Variants in ACSS2 observed in about 807,000 individuals in gnomAD.
ACSS2 encodes acetyl-coenzyme A synthetase, cytoplasmic.
ACSS2 carries 58 observed loss-of-function variants against 90.6 expected under a neutral mutation model. The ratio of observed to expected loss-of-function variants is 0.64; its 90% CI spans 0.52 to 0.80. The LOEUF (loss-of-function observed/expected upper bound fraction) is 0.80, where lower values mean the gene tolerates loss of function less well. ACSS2 is among the 30% of genes least tolerant of loss of function. The pLI is 0.00. For synonymous variants in ACSS2, 300 were observed against 330.9 expected, an observed-to-expected ratio of 0.91 and a Z score of 1.01; for missense variants, 759 against 912.0, an observed-to-expected ratio of 0.83 and a Z score of 2.16.
chr20:34,916,465 G>C (rs1284097171), intron 7 of ACSS2, among the ~76,000 whole-genome samples: 4 of 152,128 alleles, frequency 2.6e-5, no homozygotes, highest in Non-Finnish European at 5.9e-5. Context: ...TAATGCAACA[G>C]ACAGATTGGC....
chr20:34,888,022 A>T (rs1048771936), intron 2 of ACSS2, among the ~76,000 whole-genome samples: 1 of 148,096 alleles, frequency 6.8e-6, no homozygotes, highest in African/African-American at 2.5e-5. Flanking sequence ...GTGAGCCGAG[A>T]TCAAGCCAAT....
intron 2 of ACSS2, among the ~76,000 whole-genome samples, chr20:34,892,109 A>G (rs1357097421): frequency 6.6e-6 from 1 of 152,248 alleles, no homozygotes; most frequent in Non-Finnish European, 1.5e-5. Context: ...ACTGACCTTC[A>G]GAATTTCTGT....
upstream of ACSS2, chr20:34,875,027 G>T (rs552482747): frequency 1.9e-6 from 1 of 533,892 alleles, no homozygotes; most frequent in Non-Finnish European, 3.8e-6. Flanking sequence ...GGAGCTGCCC[G>T]CTTCAGGCCT....
intron 2 of ACSS2, among the ~76,000 whole-genome samples, chr20:34,898,278 A>G (rs1282688309): frequency 1.3e-5 from 2 of 152,128 alleles, no homozygotes; most frequent in Admixed American, 1.3e-4. Flanking sequence ...ATCTGGCCCC[A>G]CCCACATCCT....
chr20:34,898,801 G>A (rs1319176148), intron 2 of ACSS2, among the ~76,000 whole-genome samples: 3 of 152,098 alleles, frequency 2.0e-5, no homozygotes, highest in African/African-American at 7.2e-5. Flanking sequence ...CCGTGTGCCT[G>A]CACTCCTCAG....
At chr20:34,877,845 A>T (rs1361511951) in intron 1 of ACSS2, among the ~76,000 whole-genome samples, 1 of 151,122 alleles carries the variant, frequency 6.6e-6, no homozygotes, top group Non-Finnish European at 1.5e-5. Context: ...AAAAAAAAAA[A>T]AAAAGGTATA....
chr20:34,909,071 C>A, intron 2 of ACSS2: 1 of 353,940 alleles, frequency 2.8e-6, no homozygotes, highest in African/African-American at 2.2e-5. Context: ...TTAAGCTTGG[C>A]ACCGTGGCTC....
intron 1 of ACSS2, among the ~76,000 whole-genome samples, chr20:34,881,066 G>C (rs1601280000): frequency 9.9e-6 from 1 of 101,492 alleles, no homozygotes; most frequent in African/African-American, 4.1e-5. Context: ...TTGTTCTGTT[G>C]CCTAGGCTGG....
chr20:34,925,733 A>C lies in ACSS2; in HGVS notation c.1693A>C (p.Thr565Pro). 6.2e-7 allele frequency: 1 copy of C among 1,613,676 alleles called. No individual in the cohort carries two copies. Among genetic ancestry groups the C allele is most frequent in the Non-Finnish European group, 8.5e-7 (1 of 1,179,858 alleles). ...QRDQDGYYWI[T>P]GRIDDMLNVS... ...GGACCAGGATGGCTATTACTGGATC[A>C]CTGGCAGGATTGATGACATGCTCAA... Residue 565 changes from threonine (T) to proline (P), a missense_variant, in exon 15 of 18, where the codon ACT becomes CCT. By Grantham distance (38) the Thr-to-Pro change is conservative. Transcript: ENST00000360596.
chr20:34,883,911 G>C (rs949641688), intron 2 of ACSS2, among the ~76,000 whole-genome samples: 6 of 152,130 alleles, frequency 3.9e-5, no homozygotes, highest in African/African-American at 1.4e-4. Flanking sequence ...TGAGCACTCA[G>C]AGTTGATCTA....
At chr20:34,886,160 A>C (rs1052461575) in intron 2 of ACSS2, among the ~76,000 whole-genome samples, 5 of 152,116 alleles carry the variant, frequency 3.3e-5, no homozygotes, top group Non-Finnish European at 7.3e-5. Context: ...TCTTACTACG[A>C]TAGATAAGAA....
At chr20:34,925,808 C>T (rs902516470) in intron 15 of ACSS2, 42 bp downstream of exon 15, 3 of 1,593,330 alleles carry the variant, frequency 1.9e-6, no homozygotes, top group Non-Finnish European at 2.6e-6. Context: ...TAACTCTGCT[C>T]CTCTGACAAC....
chr20:34,896,065 A>G (rs940382671), intron 2 of ACSS2, among the ~76,000 whole-genome samples: 3 of 152,134 alleles, frequency 2.0e-5, no homozygotes, highest in African/African-American at 4.8e-5. Context: ...CACTTGTTAT[A>G]GGTAAGGCCA....
Position 34,876,744 on chromosome 20 carries a change from C to G in ACSS2, c.99C>G (p.Pro33=). 2 of 1,435,016 alleles carry G rather than the reference C, an allele frequency of 1.4e-6. No homozygotes were observed. Among genetic ancestry groups the G allele is most frequent in the South Asian group, 1.4e-5 (1 of 71,518 alleles). 88.9% of individuals were successfully genotyped at this position (1,435,016 alleles called of 1,614,324 possible). ...GGGCGCGGAGTTGGTCTCCGCCGCCCGAGGTCAGCCGCTCCGCGCACGTCC... is the reference window on the plus strand; with the variant it reads ...GGGCGCGGAGTTGGTCTCCGCCGCCGGAGGTCAGCCGCTCCGCGCACGTCC... ...GGRARSWSPP[P]EVSRSAHVPS... is the part of the protein sequence containing the mutation. Residue 33 remains proline (P), a synonymous_variant, in exon 1 of 18, where the codon CCC becomes CCG. Transcript: ENST00000360596.
chr20:34,876,796 C>A lies in ACSS2; in HGVS notation c.151C>A (p.His51Asn). The A allele has an allele frequency of 7.5e-7, 1 of 1,326,544 alleles. No homozygotes were observed. Among genetic ancestry groups the A allele is most frequent in the Non-Finnish European group, 9.7e-7 (1 of 1,033,176 alleles). 82.2% of individuals were successfully genotyped at this position (1,326,544 alleles called of 1,614,324 possible). A position where few individuals can be genotyped will look rare whatever the true frequency, so the allele number is the denominator to read the frequency against. ...VPSLQRYREL[H>N]RRSVEEPREF... ...CTCGCTGCAGCGCTACCGCGAGCTGCACCGGCGCTCCGTGGAGGAGCCGCG... is the reference window on the plus strand; with the variant it reads ...CTCGCTGCAGCGCTACCGCGAGCTGAACCGGCGCTCCGTGGAGGAGCCGCG... Residue 51 changes from histidine to asparagine, a missense_variant, in exon 1 of 18, where the codon CAC (histidine) becomes AAC (asparagine). His to Asn is a moderately conservative substitution (Grantham distance 68). Transcript: ENST00000360596.
chr20:34,883,232 C>T (rs944534682), intron 2 of ACSS2, among the ~76,000 whole-genome samples: 5 of 152,152 alleles, frequency 3.3e-5, no homozygotes, highest in Admixed American at 2.0e-4. Flanking sequence ...GGAGAAAGGG[C>T]ATTGGCAAAT....
intron 15 of ACSS2, among the ~76,000 whole-genome samples, 159 bp downstream of exon 15, chr20:34,925,925 T>C (rs2081308752): frequency 6.6e-6 from 1 of 152,166 alleles, no homozygotes. Context: ...TAATGAACAC[T>C]GGAATGTGCC....
At chr20:34,925,389 A>G (rs2081294497) in intron 14 of ACSS2, among the ~76,000 whole-genome samples, 1 of 152,196 alleles carries the variant, frequency 6.6e-6, no homozygotes, top group Non-Finnish European at 1.5e-5. Flanking sequence ...AAATGATCTG[A>G]GACAATGCAA....
chr20:34,907,001 A>AC, intron 2 of ACSS2, among the ~76,000 whole-genome samples: 1 of 151,842 alleles, frequency 6.6e-6, no homozygotes, highest in East Asian at 1.9e-4. Context: ...AAAAAAAAAA[A>AC]AAAGATCTCT....
Sources: allele counts gnomAD v4.1 joint callset (sites outside exome capture counted in the v4.1 genomes callset), GRCh38; gene constraint gnomAD v4.1.1; transcripts MANE v1.5; gene names NCBI Gene and HGNC (gene_info 2026-07-23, HGNC 2026-07-21).